The following INPP4B variants were observed in gnomAD, a reference collection of about 807,000 sequenced individuals.
INPP4B encodes the protein inositol polyphosphate 4-phosphatase type II.
A neutral mutation model predicts 122.5 loss-of-function variants in INPP4B; 55 were observed. The observed-to-expected ratio is 0.45, with a 90% CI of 0.36 to 0.56. The LOEUF is 0.56. Among genes scored for constraint, INPP4B ranks in the 20% least tolerant of loss-of-function variants. The pLI is 0.00. For synonymous variants in INPP4B, 403 were observed against 388.7 expected, an observed-to-expected ratio of 1.04 and a Z score of -0.43; for missense variants, 1,000 against 1,097.7, an observed-to-expected ratio of 0.91 and a Z score of 1.26.
chr4:142,523,690 G>A (rs1310925511), intron 2 of INPP4B, among the ~76,000 whole-genome samples: 1 of 151,342 alleles, frequency 6.6e-6, no homozygotes, highest in South Asian at 2.1e-4. Flanking sequence ...AAGTTTTAGG[G>A]TACATGTGCA....
At chr4:142,485,791 T>C (rs1396232743) in intron 2 of INPP4B, among the ~76,000 whole-genome samples, 2 of 152,254 alleles carry the variant, frequency 1.3e-5, no homozygotes, top group Non-Finnish European at 2.9e-5. Flanking sequence ...ACGCATAAAC[T>C]AGTGTTCTCA....
rs57461941 is a variant in INPP4B at position 142,071,971 on chromosome 4, G to C, written c.2642+10060C>G. On this transcript the variant is annotated intron_variant, in intron 25 of 25. Transcript: ENST00000262992. ...AGAACTAGAAATACCATTTGACCCA[G>C]CCATCCCATTACTGGGTATATACCC... 4.7e-3 allele frequency among the ~76,000 whole-genome samples: 718 copies of C among 152,236 alleles called. 14 individuals are homozygous for C. Among genetic ancestry groups the C allele is most frequent in the African/African-American group, 0.016 (660 of 41,534 alleles).
chr4:142,653,673 C>T (rs1156554076), intron 2 of INPP4B, among the ~76,000 whole-genome samples: 1 of 152,090 alleles, frequency 6.6e-6, no homozygotes, highest in East Asian at 1.9e-4. Context: ...CAATGAGATA[C>T]CATCTCATAC....
chr4:142,304,794 GA>G (rs545627616), intron 9 of INPP4B, among the ~76,000 whole-genome samples: 322 of 152,182 alleles, frequency 2.1e-3, no homozygotes, highest in Non-Finnish European at 4.0e-3. Context: ...TATATGATTA[GA>G]AAACTATTGT....
At chr4:142,720,375 C>A (rs903309723) in intron 2 of INPP4B, among the ~76,000 whole-genome samples, 1 of 152,008 alleles carries the variant, frequency 6.6e-6, no homozygotes, top group African/African-American at 2.4e-5. Flanking sequence ...TTTAAAACAT[C>A]AAATTCATTA....
At chr4:142,695,946 G>A (rs12650777) in intron 2 of INPP4B, among the ~76,000 whole-genome samples, 119,014 of 151,994 alleles carry the variant, frequency 0.78, 47,283 homozygotes, top group East Asian at 0.85. Flanking sequence ...CAAGGGAAAG[G>A]CGGGCCAGGA....
intron 17 of INPP4B, among the ~76,000 whole-genome samples, chr4:142,152,479 A>G (rs1416993722): frequency 6.6e-6 from 1 of 152,192 alleles, no homozygotes; most frequent in African/African-American, 2.4e-5. Context: ...ATAGATGCAT[A>G]AAAGAAGAAT....
At chr4:142,145,782 CACGAG>C in intron 18 of INPP4B, 53 bp downstream of exon 18, 1 of 1,501,346 alleles carries the variant, frequency 6.7e-7, no homozygotes, top group Non-Finnish European at 9.1e-7. Context: ...ATTTTTTTTT[CACGAG>C]TTTCTCATTT....
intron 5 of INPP4B, among the ~76,000 whole-genome samples, chr4:142,408,484 C>T (rs1379574088): frequency 3.9e-5 from 6 of 152,112 alleles, no homozygotes; most frequent in African/African-American, 1.4e-4. Flanking sequence ...ACCCCAGGGG[C>T]GGAGGTTGCA....
At chr4:142,045,970 CTTT>C (rs1167545879) in intron 25 of INPP4B, among the ~76,000 whole-genome samples, 2 of 151,862 alleles carry the variant, frequency 1.3e-5, no homozygotes, top group African/African-American at 4.8e-5. Context: ...GCGGTGAGGA[CTTT>C]TTTTCAATAA....
chr4:142,789,937 T>C (rs1033021331), intron 1 of INPP4B, among the ~76,000 whole-genome samples: 2 of 151,972 alleles, frequency 1.3e-5, no homozygotes, highest in African/African-American at 4.8e-5. Context: ...CCAAATTACT[T>C]ACAGCCAACT....
Position 142,396,795 on chromosome 4 carries a change from G to T in INPP4B, c.372+6143C>A, listed in dbSNP as rs1003860480. Among the ~76,000 whole-genome samples the T allele has an allele frequency of 4.6e-5, 7 of 151,964 alleles. No homozygotes were observed. In the South Asian group the frequency reaches 6.2e-4, roughly 14 times the overall value. Reference sequence around the variant, plus strand: ...AAGGAATGGGCTAATGATTCATGCAGGAAATTAATTAATCTAAAAACACGT... The same window carrying T: ...AAGGAATGGGCTAATGATTCATGCATGAAATTAATTAATCTAAAAACACGT... On this transcript the variant is annotated intron_variant, in intron 7 of 25. Coordinates refer to ENST00000262992, the MANE Select transcript of INPP4B (RefSeq NM_001101669.3).
intron 8 of INPP4B, among the ~76,000 whole-genome samples, chr4:142,310,068 G>T (rs970915909): frequency 3.9e-5 from 6 of 152,094 alleles, no homozygotes; most frequent in Non-Finnish European, 5.9e-5. Flanking sequence ...TATGGCCACA[G>T]CTGGCCAAAC....
At chr4:142,718,145 G>T (rs1467450005) in intron 2 of INPP4B, among the ~76,000 whole-genome samples, 1 of 152,086 alleles carries the variant, frequency 6.6e-6, no homozygotes, top group African/African-American at 2.4e-5. Flanking sequence ...AATTTAGAAT[G>T]CAGCAGCAGA....
intron 7 of INPP4B, among the ~76,000 whole-genome samples, chr4:142,380,998 A>G (rs1793899147): frequency 6.6e-6 from 1 of 152,134 alleles, no homozygotes; most frequent in South Asian, 2.1e-4. Flanking sequence ...GAATTTATTC[A>G]CACATTCCCC....
intron 2 of INPP4B, among the ~76,000 whole-genome samples, chr4:142,483,342 C>T (rs888300058): frequency 9.2e-5 from 14 of 151,878 alleles, no homozygotes; most frequent in African/African-American, 3.1e-4. Context: ...TTGTGCTGAA[C>T]ATTCTCAAAA....
At chr4:142,462,923 T>C (rs1237557429) in intron 2 of INPP4B, among the ~76,000 whole-genome samples, 197 bp from the exon 3 acceptor site, 3 of 152,222 alleles carry the variant, frequency 2.0e-5, no homozygotes, top group African/African-American at 7.2e-5. Flanking sequence ...ATTCAGCCCA[T>C]AGAGCCCCTC....
chr4:142,482,892 T>C (rs978089818), intron 2 of INPP4B, among the ~76,000 whole-genome samples: 1 of 152,178 alleles, frequency 6.6e-6, no homozygotes, highest in Non-Finnish European at 1.5e-5. Flanking sequence ...GAAGAGATCA[T>C]GTGCATTTTA....
At chr4:142,753,751 C>CA (rs1334323650) in intron 1 of INPP4B, among the ~76,000 whole-genome samples, 1 of 151,726 alleles carries the variant, frequency 6.6e-6, no homozygotes, top group Non-Finnish European at 1.5e-5. Flanking sequence ...CTCCTATGTA[C>CA]AAAAAAGATG....
Sources: gnomAD v4.1 joint callset for allele counts (sites outside exome capture counted in the v4.1 genomes callset) on GRCh38, gnomAD v4.1.1 for gene constraint, MANE v1.5 for transcripts, NCBI Gene and HGNC (gene_info 2026-07-23, HGNC 2026-07-21) for gene names.